ZFHX3: variants seen among roughly 807,000 people sequenced by gnomAD.
The protein encoded by ZFHX3 is zinc finger homeobox protein 3.
In ZFHX3, 42 loss-of-function variants were observed where a neutral mutation model predicts 279.1. The observed-to-expected ratio is 0.15, with a 90% CI of 0.12 to 0.19. The LOEUF (loss-of-function observed/expected upper bound fraction) is 0.19, where lower values mean the gene tolerates loss of function less well. Ranked by LOEUF, ZFHX3 falls within the 10% of genes least tolerant of loss-of-function variation. The pLI is 1.00. For missense variants in ZFHX3, 4,981 were observed against 4,754.0 expected, an observed-to-expected ratio of 1.05 and a Z score of -1.40; for synonymous variants, 2,293 against 1,957.8, an observed-to-expected ratio of 1.17 and a Z score of -4.52.
At chr16:73,672,036 T>G (rs1567547888) in intron 2 of ZFHX3, among the ~76,000 whole-genome samples, 3 of 147,608 alleles carry the variant, frequency 2.0e-5, no homozygotes, top group Admixed American at 6.7e-5. Flanking sequence ...GAGGGACAGA[T>G]CTGAGGGGAA....
intron 7 of ZFHX3, among the ~76,000 whole-genome samples, chr16:73,125,873 C>A (rs1046398941): frequency 9.2e-5 from 14 of 151,828 alleles, no homozygotes; most frequent in African/African-American, 3.4e-4. Context: ...TCTAGAGAAC[C>A]CTAATACCGT....
At chr16:73,802,689 A>G (rs1185940281) in intron 1 of ZFHX3, among the ~76,000 whole-genome samples, 1 of 152,232 alleles carries the variant, frequency 6.6e-6, no homozygotes, top group Non-Finnish European at 1.5e-5. Flanking sequence ...TTTGATGGAC[A>G]CCAGAACTAA....
At chr16:73,145,157 A>G (rs907301772) in intron 5 of ZFHX3, among the ~76,000 whole-genome samples, 5 of 152,136 alleles carry the variant, frequency 3.3e-5, no homozygotes, top group African/African-American at 4.8e-5. Context: ...CTTAGGTTCA[A>G]CTCGGGCTTG....
intron 5 of ZFHX3, among the ~76,000 whole-genome samples, chr16:73,241,178 G>C (rs964518331): frequency 1.3e-5 from 2 of 152,204 alleles, no homozygotes; most frequent in African/African-American, 4.8e-5. Context: ...TTAGGCACCT[G>C]TGCCCATATA....
At chr16:73,154,219 T>G (rs188692577) in intron 5 of ZFHX3, among the ~76,000 whole-genome samples, 44 of 152,336 alleles carry the variant, frequency 2.9e-4, no homozygotes, top group Admixed American at 1.9e-3. Flanking sequence ...GGCTCCTTGC[T>G]GAGGCCTGCT....
intron 2 of ZFHX3, among the ~76,000 whole-genome samples, chr16:73,666,501 G>T (rs1429462979): frequency 6.6e-6 from 1 of 151,874 alleles, no homozygotes; most frequent in Non-Finnish European, 1.5e-5. Flanking sequence ...AAAACCTCCT[G>T]AGACAGAAAA....
At chr16:73,461,236 T>G (rs2018465711) in intron 2 of ZFHX3, among the ~76,000 whole-genome samples, 3 of 152,208 alleles carry the variant, frequency 2.0e-5, no homozygotes, top group Non-Finnish European at 4.4e-5. Flanking sequence ...CATTTGCCCA[T>G]TTTCTAATTG....
chr16:73,553,685 C>T (rs2020235309), intron 2 of ZFHX3, among the ~76,000 whole-genome samples: 1 of 152,164 alleles, frequency 6.6e-6, no homozygotes, highest in Non-Finnish European at 1.5e-5. Flanking sequence ...GTCTTAATGG[C>T]AACCCAAAAT....
In ZFHX3 at chr16:73,794,580, G is replaced by A. The variant is rs555475706; in HGVS notation, c.-1608+97071C>T. On this transcript the variant is annotated intron_variant, in intron 1 of 17. Coordinates refer to the ZFHX3 transcript ENST00000641206. ...TAACCATGAGGCGATCCTGAGAGGG[G>A]ACATAGGGACCCCCCCTTTGCAAAT... 2.0e-5 allele frequency among the ~76,000 whole-genome samples: 3 copies of A among 152,208 alleles called. No homozygotes were observed. The South Asian group carries it at 6.2e-4, about 32-fold the overall frequency.
rs117505915 is a variant in ZFHX3 at position 73,682,016 on chromosome 16, C to T, written c.-1607-1776G>A. ...GAGCTCACGTACATAAAGCCCTTAA[C>T]GGAATGTCTGACGCATAATGGATGC... is the stretch of plus-strand genomic sequence containing the variant. On this transcript the variant is annotated intron_variant, in intron 1 of 17. Transcript: ENST00000641206. 7.3e-3 allele frequency among the ~76,000 whole-genome samples: 1,100 copies of T among 149,998 alleles called. 2 individuals carry two copies. The highest frequency in any genetic ancestry group is 0.012 in the Non-Finnish European group (838 of 68,004).
intron 1 of ZFHX3, among the ~76,000 whole-genome samples, chr16:73,779,810 C>T (rs149994574): frequency 9.6e-4 from 146 of 152,162 alleles, no homozygotes; most frequent in African/African-American, 3.2e-3. Context: ...CTCCAACTCC[C>T]AGGATTTAGC....
At chr16:73,749,642 A>G (rs2053741030) in intron 1 of ZFHX3, among the ~76,000 whole-genome samples, 1 of 152,182 alleles carries the variant, frequency 6.6e-6, no homozygotes, top group Non-Finnish European at 1.5e-5. Flanking sequence ...CTAACACTAT[A>G]CTACGTATAA....
intron 8 of ZFHX3, among the ~76,000 whole-genome samples, chr16:73,091,080 G>A (rs910593358): frequency 1.7e-4 from 26 of 151,776 alleles, no homozygotes; most frequent in Non-Finnish European, 2.6e-4. Flanking sequence ...GCATGGTGGC[G>A]GGTGCCTGTA....
chr16:73,665,315 G>T (rs560616903), intron 2 of ZFHX3, among the ~76,000 whole-genome samples: 1 of 151,268 alleles, frequency 6.6e-6, no homozygotes, highest in East Asian at 2.0e-4. Flanking sequence ...CCAGGTCCAA[G>T]TAATTATCCT....
chr16:73,534,145 A>AC (rs1370541275), intron 2 of ZFHX3, among the ~76,000 whole-genome samples: 1 of 151,262 alleles, frequency 6.6e-6, no homozygotes, highest in Non-Finnish European at 1.5e-5. Flanking sequence ...TACCTCTATG[A>AC]CCTCCTACTT....
intron 2 of ZFHX3, among the ~76,000 whole-genome samples, chr16:73,576,976 A>C (rs760342455): frequency 1.1e-4 from 17 of 152,200 alleles, no homozygotes; most frequent in African/African-American, 3.6e-4. Flanking sequence ...AGTTAGATCT[A>C]GATTCTAATA....
rs376688540 is a variant in ZFHX3, at chr16:72,871,633, C to G, written c.3448+18098G>C. ...GGAATTACAGGTGTGAGCCACCACA[C>G]CTGGCCTTTTTAAAAATATTTTTAG... On this transcript the variant is annotated intron_variant, in intron 4 of 9. Coordinates refer to ENST00000268489, the MANE Select transcript of ZFHX3 (RefSeq NM_006885.4). 1.8e-3 allele frequency among the ~76,000 whole-genome samples: 271 copies of G among 152,126 alleles called. 10 individuals carry two copies. In the South Asian group the frequency reaches 0.055, roughly 31 times the overall value.
intron 4 of ZFHX3, chr16:73,257,268 A>G (rs921924093): frequency 3.3e-5 from 5 of 152,224 alleles, no homozygotes; most frequent in Non-Finnish European, 5.9e-5. Flanking sequence ...TGTTATAAAT[A>G]TGGTCATCAT....
rs113648169 is a variant in ZFHX3, at chr16:72,861,265, T to A, written c.3448+28466A>T. On this transcript the variant is annotated intron_variant, in intron 4 of 9. Transcript: ENST00000268489. ...GCTATATCAAGAATATTAACAAAGATAAAAGGGTATGAGATCTTCCCACTA... is the reference window on the plus strand; with the variant it reads ...GCTATATCAAGAATATTAACAAAGAAAAAAGGGTATGAGATCTTCCCACTA... Among the ~76,000 whole-genome samples the A allele has an allele frequency of 5.6e-3, 858 of 152,280 alleles. 6 individuals carry two copies. The highest frequency in any genetic ancestry group is 8.9e-3 in the Non-Finnish European group (603 of 68,014).
Sources: allele counts gnomAD v4.1 joint callset (sites outside exome capture counted in the v4.1 genomes callset), GRCh38; gene constraint gnomAD v4.1.1; transcripts MANE v1.5; gene names NCBI Gene and HGNC (gene_info 2026-07-23, HGNC 2026-07-21).